POM121L2: variants seen among roughly 807,000 people sequenced by gnomAD.
The protein encoded by POM121L2 is POM121 transmembrane nucleoporin like 2.
For missense variants in POM121L2, 1,167 were observed against 1,260.3 expected, an observed-to-expected ratio of 0.93 and a Z score of 1.12; for synonymous variants, 459 against 483.8, an observed-to-expected ratio of 0.95 and a Z score of 0.67.
At position 27,309,698 on chromosome 6, in the gene POM121L2, G is replaced by C. The variant is rs772578613; in HGVS notation, c.2473C>G (p.Gln825Glu). 8.6e-5 allele frequency: 134 copies of C among 1,551,652 alleles called. No homozygotes were observed. The highest frequency in any genetic ancestry group is 4.5e-4 in the Admixed American group (23 of 50,990). ...GGTGTCAAACACCCCAAGGCTGACTGTGTGGTACTAATGAAGGCTGGCTGA... is the reference window on the plus strand; with the variant it reads ...GGTGTCAAACACCCCAAGGCTGACTCTGTGGTACTAATGAAGGCTGGCTGA... ...PAQPAFISTTQSALGCLTPSA... is the reference protein window; with the variant it reads ...PAQPAFISTTESALGCLTPSA... The change falls in exon 1 of 1, where the codon CAG becomes GAG. Residue 825 changes from glutamine (Q) to glutamate (E), a missense_variant. Physicochemically the swap from Gln to Glu is conservative, Grantham distance 29 (BLOSUM62 2). Transcript: ENST00000444565.
Position 27,308,940 on chromosome 6 carries a change from T to C in POM121L2, c.*123A>G, listed in dbSNP as rs1436131889. 6.6e-6 allele frequency: 5 copies of C among 758,852 alleles called. No homozygotes were observed. The Admixed American group carries it at 8.7e-5, about 13-fold the overall frequency. The allele number at this position is 758,852 out of a possible 1,614,324, so 47.0% of individuals were successfully genotyped here. On this transcript the variant is annotated 3_prime_UTR_variant, in exon 1 of 1. Transcript: ENST00000444565. Reference sequence around the variant, plus strand: ...AGGATGTAGATTAGGACACACAGTGTGAACATCTAAAGCTCCAGTTTTAGA... The same window carrying C: ...AGGATGTAGATTAGGACACACAGTGCGAACATCTAAAGCTCCAGTTTTAGA...
rs1364060443 is a variant in POM121L2 at position 27,309,855 on chromosome 6, G to C, written c.2316C>G (p.Pro772=). ...CATTTGTGGCACCAAATGCAGGCTGGGGATTAGCTCCTTGGGATAGTGGGA... is the reference window on the plus strand; with the variant it reads ...CATTTGTGGCACCAAATGCAGGCTGCGGATTAGCTCCTTGGGATAGTGGGA... ...PPFPLSQGAN[P]QPAFGATNGQ... is the part of the protein sequence containing the mutation. The change falls in exon 1 of 1, where the codon CCC becomes CCG. Residue 772 remains proline (P), a synonymous_variant. Transcript: ENST00000444565. 2 of 1,551,768 alleles carry C rather than the reference G, an allele frequency of 1.3e-6. No individual in the cohort carries two copies. The highest frequency in any genetic ancestry group is 2.0e-5 in the Admixed American group (1 of 51,004).
chr6:27,312,171 G>T lies in POM121L2; in HGVS notation c.-1C>A. On this transcript the variant is annotated 5_prime_UTR_variant, in exon 1 of 1. Coordinates refer to ENST00000444565, the MANE Select transcript of POM121L2 (RefSeq NM_033482.4). The surrounding 1 kb of genome is among the most constrained non-coding windows in gnomAD (Gnocchi z 6.7). ...CCAGTTTGCTCAGGAAACTGCCCAT[G>T]AGGAGAGATGAGGCGCGGGCAGTGA... The T allele has an allele frequency of 1.4e-6, 2 of 1,437,404 alleles. No homozygotes were observed. Among genetic ancestry groups the T allele is most frequent in the Non-Finnish European group, 1.8e-6 (2 of 1,094,182 alleles). The allele number at this position is 1,437,404 out of a possible 1,614,324, so 89.0% of individuals were successfully genotyped here.
Position 27,310,472 on chromosome 6 carries a change from A to G in POM121L2, c.1699T>C (p.Ser567Pro). 1 of 1,552,288 alleles carries G rather than the reference A, an allele frequency of 6.4e-7. No homozygotes were observed. Among genetic ancestry groups the G allele is most frequent in the Non-Finnish European group, 8.7e-7 (1 of 1,147,114 alleles). The change falls in exon 1 of 1, where the codon TCC becomes CCC. Residue 567 changes from serine to proline, a missense_variant. Transcript: ENST00000444565. Reference protein sequence around the residue: ...TAAASSISSLSTIQGTLTPTF... With the variant: ...TAAASSISSLPTIQGTLTPTF... ...GGAGTTAAGGTACCCTGAATTGTGGAAAGGGAAGAGATTGAAGATGCTGCA... is the reference window on the plus strand; with the variant it reads ...GGAGTTAAGGTACCCTGAATTGTGGGAAGGGAAGAGATTGAAGATGCTGCA...
At position 27,309,673 on chromosome 6, in the gene POM121L2, G is replaced by A; in HGVS notation, c.2498C>T (p.Pro833Leu). ...TTQSALGCLT[P>L]SASTSQTPAS... ...AGGGGTTTGAGAGGTGGAGGCTGAG[G>A]GTGTCAAACACCCCAAGGCTGACTG... Residue 833 changes from proline to leucine, a missense_variant, in exon 1 of 1, where the codon CCC becomes CTC. Transcript: ENST00000444565. 6.4e-7 allele frequency: 1 copy of A among 1,551,692 alleles called. No homozygotes were observed. The highest frequency in any genetic ancestry group is 1.4e-5 in the African/African-American group (1 of 73,150).
Position 27,309,768 on chromosome 6 carries a change from A to G in POM121L2, c.2403T>C (p.Phe801=). ...TTGGCAATGCCACTGCTGAGCTCCC[A>G]AAAAGAAAAGAACTACTGACACTTG... ...LMPSVSSSFL[F]GSSAVALPTP... Residue 801 remains phenylalanine (F), a synonymous_variant, in exon 1 of 1, where the codon TTT becomes TTC. Transcript: ENST00000444565. 1 of 1,551,702 alleles carries G rather than the reference A, an allele frequency of 6.4e-7. No individual in the cohort carries two copies.
rs200393466 is a variant in POM121L2 at position 27,310,157 on chromosome 6, C to T, written c.2014G>A (p.Ala672Thr). 8.4e-4 allele frequency: 1,301 copies of T among 1,551,890 alleles called. 4 individuals are homozygous for T. Among genetic ancestry groups the T allele is most frequent in the Non-Finnish European group, 6.2e-4 (710 of 1,147,052 alleles). Reference protein sequence around the residue: ...CDTFLLGTAQAFRADFTPATG... With the variant: ...CDTFLLGTAQTFRADFTPATG... ...GCTGGGGTGAAGTCGGCCCTGAAGG[C>T]CTGAGCAGTCCCAAGCAGGAAAGTG... Residue 672 changes from alanine (A) to threonine (T), a missense_variant, in exon 1 of 1, where the codon GCC becomes ACC. Coordinates refer to ENST00000444565, the MANE Select transcript of POM121L2 (RefSeq NM_033482.4).
chr6:27,310,970 C>G lies in POM121L2; in HGVS notation c.1201G>C (p.Ala401Pro). Residue 401 changes from alanine (A) to proline (P), a missense_variant, in exon 1 of 1, where the codon GCA becomes CCA. By Grantham distance (27) the Ala-to-Pro change is conservative. Coordinates refer to ENST00000444565, the MANE Select transcript of POM121L2 (RefSeq NM_033482.4). ...CTTAAGTTTTCCAACTGAGGATTTG[C>G]TCCCTGGGTTAGATCTGTTTCTGAA... ...PSSETDLTQGANPQLENLRKM... is the reference protein window; with the variant it reads ...PSSETDLTQGPNPQLENLRKM... The G allele has an allele frequency of 6.4e-7, 1 of 1,552,196 alleles. No homozygotes were observed.
chr6:27,310,398 G>A lies in POM121L2; in HGVS notation c.1773C>T (p.Pro591=). The A allele has an allele frequency of 6.4e-7, 1 of 1,552,106 alleles. No homozygotes were observed. Among genetic ancestry groups the A allele is most frequent in the Non-Finnish European group, 8.7e-7 (1 of 1,147,084 alleles). Reference sequence around the variant, plus strand: ...GCTTGGAGGAGAAAGGAGCTATCATGGGCGTAGTTTTAAGTGGATCTATGC... The same window carrying A: ...GCTTGGAGGAGAAAGGAGCTATCATAGGCGTAGTTTTAAGTGGATCTATGC... ...FGSIDPLKTT[P]MIAPFSSKQT... is the part of the protein sequence containing the mutation. The change falls in exon 1 of 1, where the codon CCC becomes CCT. Residue 591 remains proline (P), a synonymous_variant. Transcript: ENST00000444565.
At position 27,310,840 on chromosome 6, in the gene POM121L2, G is replaced by C. The variant is rs919579838; in HGVS notation, c.1331C>G (p.Pro444Arg). ...AAGGAGCTCTGACTGTGAGCACCCAGGTGGGGTCGGTAGGCTGGGTGTCTT... is the reference window on the plus strand; with the variant it reads ...AAGGAGCTCTGACTGTGAGCACCCACGTGGGGTCGGTAGGCTGGGTGTCTT... ...PLKTPSLPTP[P>R]GCSQSELLPG... Residue 444 changes from proline (P) to arginine (R), a missense_variant, in exon 1 of 1, where the codon CCT (proline) becomes CGT (arginine). By Grantham distance (103) the Pro-to-Arg change is moderately radical (BLOSUM62 -2). Coordinates refer to ENST00000444565, the MANE Select transcript of POM121L2 (RefSeq NM_033482.4). The C allele has an allele frequency of 1.3e-6, 2 of 1,551,628 alleles. No individual in the cohort carries two copies. Among genetic ancestry groups the C allele is most frequent in the Non-Finnish European group, 1.7e-6 (2 of 1,146,994 alleles).
At position 27,310,190 on chromosome 6, in the gene POM121L2, T is replaced by C. The variant is rs1487425452; in HGVS notation, c.1981A>G (p.Thr661Ala). The C allele has an allele frequency of 6.4e-7, 1 of 1,552,104 alleles. No homozygotes were observed. The highest frequency in any genetic ancestry group is 2.4e-5 in the East Asian group (1 of 40,900). ...AVGNTYSVPS[T>A]CDTFLLGTAQ... is the part of the protein sequence containing the mutation. ...GTCCCAAGCAGGAAAGTGTCGCAAG[T>C]GGAAGGGACAGAATAAGTGTTGCCT... is the stretch of plus-strand genomic sequence containing the variant. Residue 661 changes from threonine (T) to alanine (A), a missense_variant, in exon 1 of 1, where the codon ACT (threonine) becomes GCT (alanine). By Grantham distance (58) the Thr-to-Ala change is moderately conservative (BLOSUM62 0). Coordinates refer to ENST00000444565, the MANE Select transcript of POM121L2 (RefSeq NM_033482.4).
In POM121L2 at chr6:27,312,012, A is replaced by G; in HGVS notation, c.159T>C (p.Tyr53=). 6.5e-7 allele frequency: 1 copy of G among 1,542,124 alleles called. No homozygotes were observed. The highest frequency in any genetic ancestry group is 2.5e-5 in the East Asian group (1 of 40,726). The change falls in exon 1 of 1, where the codon TAT becomes TAC. Residue 53 remains tyrosine, a synonymous_variant. Coordinates refer to ENST00000444565, the MANE Select transcript of POM121L2 (RefSeq NM_033482.4). This position sits in a 1 kb window ranked among gnomAD's most constrained non-coding sequence, Gnocchi z 6.7. ...GGTTTGGCCGCCTCCTCACAGGTCT[A>G]TACCGTGGGGCAGGGTGGGCGCGGT... ...FVHRAHPAPR[Y]RPVRRRPNLD... is the part of the protein sequence containing the mutation.
In POM121L2 at chr6:27,309,023, C is replaced by A. The variant is rs1321485616; in HGVS notation, c.*40G>T. ...ACACTGAGGTTTTTCAAAAACAATA[C>A]TGAGGTCTAAATCAGGGTGCAAGTG... On this transcript the variant is annotated 3_prime_UTR_variant, in exon 1 of 1. Coordinates refer to ENST00000444565, the MANE Select transcript of POM121L2 (RefSeq NM_033482.4). 1.4e-6 allele frequency: 2 copies of A among 1,445,888 alleles called. No homozygotes were observed. The highest frequency in any genetic ancestry group is 1.9e-6 in the Non-Finnish European group (2 of 1,079,480). 89.6% of individuals were successfully genotyped at this position (1,445,888 alleles called of 1,614,324 possible).
chr6:27,310,233 C>A lies in POM121L2; in HGVS notation c.1938G>T (p.Val646=). Residue 646 remains valine (V), a synonymous_variant, in exon 1 of 1, where the codon GTG becomes GTT. Transcript: ENST00000444565. ...TGTTGCCTACGGCACTGGTGACATT[C>A]ACTACACCAAAATCCAAAGGTGGCT... is the stretch of plus-strand genomic sequence containing the variant. ...VFKPPLDFGV[V]NVTSAVGNTY... The A allele has an allele frequency of 6.4e-7, 1 of 1,552,318 alleles. No individual in the cohort carries two copies. Among genetic ancestry groups the A allele is most frequent in the Non-Finnish European group, 8.7e-7 (1 of 1,147,128 alleles).
chr6:27,309,426 G>A lies in POM121L2; in HGVS notation c.2745C>T (p.Thr915=). ...IIMTGPDMSP[T]SGAFSIGALP... ...ATGCTCCAATGCTGAAAGCTCCAGA[G>A]GTGGGGCTCATGTCTGGACCAGTCA... The change falls in exon 1 of 1, where the codon ACC becomes ACT. Residue 915 remains threonine (T), a synonymous_variant. Transcript: ENST00000444565. 1.9e-6 allele frequency: 3 copies of A among 1,551,544 alleles called. No homozygotes were observed. The highest frequency in any genetic ancestry group is 1.2e-5 in the South Asian group (1 of 84,032).
rs1280961149 is a variant in POM121L2 at position 27,308,775 on chromosome 6, G to A, written c.*288C>T. Among the ~76,000 whole-genome samples, 2 of 152,208 alleles carry A rather than the reference G, an allele frequency of 1.3e-5. No individual in the cohort carries two copies. The highest frequency in any genetic ancestry group is 2.9e-5 in the Non-Finnish European group (2 of 68,034). ...AAGTCTGGATATTATAGATCCTGCT[G>A]CTGTGCACACTGCACACCTGACACA... On this transcript the variant is annotated 3_prime_UTR_variant, in exon 1 of 1. Coordinates refer to ENST00000444565, the MANE Select transcript of POM121L2 (RefSeq NM_033482.4).
chr6:27,310,432 A>G lies in POM121L2; in HGVS notation c.1739T>C (p.Ile580Thr). The change falls in exon 1 of 1, where the codon ATC (isoleucine) becomes ACC (threonine). Residue 580 changes from isoleucine (I) to threonine (T), a missense_variant. Physicochemically the swap from Ile to Thr is moderately conservative, Grantham distance 89. Coordinates refer to ENST00000444565, the MANE Select transcript of POM121L2 (RefSeq NM_033482.4). ...QGTLTPTFKPIFGSIDPLKTT... is the reference protein window; with the variant it reads ...QGTLTPTFKPTFGSIDPLKTT... ...TTTAAGTGGATCTATGCTGCCAAAG[A>G]TAGGCTTGAAGGTAGGAGTTAAGGT... 6.4e-7 allele frequency: 1 copy of G among 1,552,268 alleles called. No individual in the cohort carries two copies. The highest frequency in any genetic ancestry group is 8.7e-7 in the Non-Finnish European group (1 of 1,147,122).
Position 27,311,204 on chromosome 6 carries a change from G to A in POM121L2, c.109C>T (p.Gln37Ter), listed in dbSNP as rs1285765038. 4 of 1,551,976 alleles carry A rather than the reference G, an allele frequency of 2.6e-6. No homozygotes were observed. The highest frequency in any genetic ancestry group is 8.7e-7 in the Non-Finnish European group (1 of 1,147,070). ...AGGTTCTCAGGGCTAGACGGCAGCTGTGGAATCTTCTGGTTTTGCTGCCCA... is the reference window on the plus strand; with the variant it reads ...AGGTTCTCAGGGCTAGACGGCAGCTATGGAATCTTCTGGTTTTGCTGCCCA... The change falls in exon 1 of 2, where the codon CAG becomes TAG. Residue 37 changes from glutamine (Q) to a stop codon, truncating the protein, a stop_gained. Coordinates refer to the POM121L2 transcript ENST00000429945. LOFTEE classifies it high-confidence loss of function.
upstream of POM121L2, chr6:27,311,651 C>A (rs1391508498): frequency 1.9e-6 from 3 of 1,551,850 alleles, no homozygotes; most frequent in Non-Finnish European, 2.6e-6. Flanking sequence ...AGTGGTTCTT[C>A]CAACCTCCCT....
Sources: gnomAD v4.1 joint callset for allele counts (sites outside exome capture counted in the v4.1 genomes callset) on GRCh38, gnomAD v4.1.1 for gene constraint, Gnocchi (gnomAD v3.1) non-coding constraint, MANE v1.5 for transcripts, NCBI Gene and HGNC (gene_info 2026-07-23, HGNC 2026-07-21) for gene names.